Variants in CFHR4 observed in about 807,000 individuals in gnomAD.
CFHR4 encodes complement factor H related 4.
A neutral mutation model predicts 69.3 loss-of-function variants in CFHR4; 64 were observed. That is an observed-to-expected ratio of 0.92 (90% CI 0.76 to 1.14). The LOEUF (loss-of-function observed/expected upper bound fraction) is 1.14, where lower values mean the gene tolerates loss of function less well. Ranked by LOEUF, CFHR4 falls within the 50% of genes most tolerant of loss-of-function variation. The pLI, the probability that CFHR4 is intolerant of heterozygous loss-of-function variation, is 0.00. For missense variants in CFHR4, 636 were observed against 684.9 expected (o/e 0.93, Z 0.80); for synonymous variants, 244 against 237.0 (o/e 1.03, Z -0.27).
chr1:196,917,658 G>GTGTA (rs112489050), intron 9 of CFHR4, among the ~76,000 whole-genome samples: 3,520 of 150,606 alleles, frequency 0.023, 199 homozygotes, highest in African/African-American at 0.077. Context: ...AGATATTGAG[G>GTGTA]TGTATGTATG....
At chr1:196,913,561 T>C (rs1658401783) in intron 7 of CFHR4, among the ~76,000 whole-genome samples, 1 of 151,548 alleles carries the variant, frequency 6.6e-6, no homozygotes. Flanking sequence ...CTTTACTTAT[T>C]ATGATAAAGA....
chr1:196,918,183 G>C, intron 9 of CFHR4, 27 bp from the exon 10 acceptor site: 2 of 1,592,466 alleles, frequency 1.3e-6, no homozygotes, highest in Non-Finnish European at 1.7e-6. Context: ...GATTATGATT[G>C]TTAATTGTTT....
intron 6 of CFHR4, among the ~76,000 whole-genome samples, chr1:196,910,893 C>A (rs1398194275): frequency 1.3e-5 from 2 of 151,276 alleles, no homozygotes; most frequent in African/African-American, 2.4e-5. Flanking sequence ...ACCTTTTAAT[C>A]ATTTTATGGT....
At chr1:196,915,899 T>C (rs1369324912) in intron 9 of CFHR4, among the ~76,000 whole-genome samples, 1 of 151,536 alleles carries the variant, frequency 6.6e-6, no homozygotes, top group Non-Finnish European at 1.5e-5. Context: ...CCACGAACTA[T>C]TAAATCCTCC....
intron 9 of CFHR4, among the ~76,000 whole-genome samples, chr1:196,916,178 A>C (rs1056534529): frequency 2.6e-5 from 4 of 151,494 alleles, no homozygotes; most frequent in African/African-American, 9.7e-5. Flanking sequence ...CCCAAGTACT[A>C]TGAACTTGAA....
At chr1:196,904,855 T>A (rs1241297249) in intron 2 of CFHR4, among the ~76,000 whole-genome samples, 1 of 151,602 alleles carries the variant, frequency 6.6e-6, no homozygotes, top group Non-Finnish European at 1.5e-5. Flanking sequence ...GTCTGCTAGA[T>A]CTGCATTCCT....
At chr1:196,891,647 A>T (rs537010476) in intron 1 of CFHR4, among the ~76,000 whole-genome samples, 4 of 151,446 alleles carry the variant, frequency 2.6e-5, no homozygotes, top group Non-Finnish European at 5.9e-5. Flanking sequence ...TTAAGATTTC[A>T]TAACAAATAG....
intron 7 of CFHR4, among the ~76,000 whole-genome samples, chr1:196,913,216 T>C (rs1252243863): frequency 4.6e-5 from 7 of 151,544 alleles, no homozygotes; most frequent in Admixed American, 1.3e-4. Context: ...AATGTGTTAG[T>C]TGCCATTAAA....
chr1:196,905,391 A>G, intron 3 of CFHR4, 101 bp downstream of exon 3: 1 of 1,488,034 alleles, frequency 6.7e-7, no homozygotes, highest in Non-Finnish European at 9.1e-7. Context: ...TTTTAGGAGT[A>G]AAGAGATATA....
At chr1:196,897,843 C>T (rs768244715) in intron 1 of CFHR4, among the ~76,000 whole-genome samples, 1 of 151,268 alleles carries the variant, frequency 6.6e-6, no homozygotes, top group Non-Finnish European at 1.5e-5. Context: ...TGCCTGTCCT[C>T]ATTTAGGGTC....
intron 2 of CFHR4, among the ~76,000 whole-genome samples, chr1:196,903,682 T>G (rs757927136): frequency 6.6e-6 from 1 of 150,558 alleles, no homozygotes; most frequent in Non-Finnish European, 1.5e-5. Context: ...TATATATATA[T>G]ATGTATATAT....
Position 196,902,457 on chromosome 1 carries a change from G to GTAGA in CFHR4, c.99_100insAGAT (p.Leu34ArgfsTer5). On this transcript the variant is annotated frameshift_variant, in exon 2 of 10. Coordinates refer to ENST00000608469, the MANE Select transcript of CFHR4 (RefSeq NM_001201550.3). LOFTEE classifies it high-confidence loss of function. The stretch of plus-strand genomic sequence containing the variant: ...GATTTTCCAGAAATTCAACATGGAG[G>GTAGA]TCTATATTATAAGAGTTTGCGTAGA... 1 of 1,611,452 alleles carries GTAGA rather than the reference G, an allele frequency of 6.2e-7. No homozygotes were observed. The highest frequency in any genetic ancestry group is 8.5e-7 in the Non-Finnish European group (1 of 1,178,778).
At position 196,897,656 on chromosome 1, in the gene CFHR4, C is replaced by A. The variant is rs1230676523; in HGVS notation, c.59-4762C>A. 2.0e-5 allele frequency among the ~76,000 whole-genome samples: 3 copies of A among 151,386 alleles called. 1 individual carries two copies. Among genetic ancestry groups the A allele is most frequent in the African/African-American group, 7.3e-5 (3 of 40,988 alleles). ...CAGATTTTTCTCCGACCTCCCCTAG[C>A]GGAACTCATTTCCCTCGGCATCCAG... On this transcript the variant is annotated intron_variant, in intron 1 of 9. Transcript: ENST00000608469.
At chr1:196,909,665 G>A (rs1224635715) in intron 5 of CFHR4, among the ~76,000 whole-genome samples, 1 of 151,126 alleles carries the variant, frequency 6.6e-6, no homozygotes, top group East Asian at 1.9e-4. Flanking sequence ...TGCATCAAAA[G>A]GAGAGAAGAG....
Position 196,904,462 on chromosome 1 carries a change from TA to T in CFHR4, c.257-644del, listed in dbSNP as rs376538729. Among the ~76,000 whole-genome samples the T allele has an allele frequency of 4.0e-4, 61 of 151,614 alleles. 1 individual carries two copies. In the East Asian group the frequency reaches 7.5e-3, roughly 19 times the overall value. On this transcript the variant is annotated intron_variant, in intron 2 of 9. Transcript: ENST00000608469. ...AGTTAGAACATACGCATTACTAAAA[TA>T]ATTACTACCTTATACATATACCCAT...
intron 5 of CFHR4, 55 bp downstream of exon 5, chr1:196,907,553 G>C (rs1657984250): frequency 6.9e-7 from 1 of 1,454,274 alleles, no homozygotes; most frequent in African/African-American, 1.4e-5. Context: ...TTTGATCCTT[G>C]TTTATTTATA....
chr1:196,888,733 T>C (rs1369640209), intron 1 of CFHR4, among the ~76,000 whole-genome samples: 1 of 151,424 alleles, frequency 6.6e-6, no homozygotes, highest in Non-Finnish European at 1.5e-5. Context: ...ATTTAATATT[T>C]CAACAAGATT....
chr1:196,906,048 T>C (rs1450134536), intron 3 of CFHR4, among the ~76,000 whole-genome samples: 1 of 151,584 alleles, frequency 6.6e-6, no homozygotes, highest in African/African-American at 2.4e-5. Context: ...TCATTTAATG[T>C]ATTTTTAACA....
chr1:196,914,396 A>T, intron 7 of CFHR4, 99 bp from the exon 8 acceptor site: 1 of 1,276,926 alleles, frequency 7.8e-7, no homozygotes, highest in Non-Finnish European at 1.1e-6. Context: ...TTATTAGCAC[A>T]CACTGATTGG....
Sources: gnomAD v4.1 joint callset for allele counts (sites outside exome capture counted in the v4.1 genomes callset) on GRCh38, gnomAD v4.1.1 for gene constraint, MANE v1.5 for transcripts, NCBI Gene and HGNC (gene_info 2026-07-23, HGNC 2026-07-21) for gene names.